Variants in CMTR1 observed in about 807,000 individuals in gnomAD.
The protein encoded by CMTR1 is cap-specific mRNA (nucleoside-2'-O-)-methyltransferase 1.
Under a neutral mutation model 107.0 loss-of-function variants are expected in CMTR1, and 39 were observed. The observed-to-expected ratio is 0.36, with a 90% CI of 0.28 to 0.48. CMTR1 has a LOEUF of 0.48. Among genes scored for constraint, CMTR1 ranks in the 20% least tolerant of loss-of-function variants. The pLI, the probability that CMTR1 is intolerant of heterozygous loss-of-function variation, is 0.99. For missense variants in CMTR1, 672 were observed against 1,064.9 expected (o/e 0.63, Z 5.14); for synonymous variants, 366 against 379.5 (o/e 0.96, Z 0.41).
rs144830363 is a variant in CMTR1 at position 37,450,337 on chromosome 6, G to A, written c.531G>A (p.Val177=). Residue 177 remains valine, a synonymous_variant, in exon 5 of 24, where the codon GTG becomes GTA. Transcript: ENST00000373451. ...AGGAAATGAGCGATTGGATGGTGGT[G>A]GGAAAGGTAGGCTTTCAGGAAAACG... The part of the protein sequence containing the change: ...DTQEMSDWMV[V]GKRKMIIEDE... The A allele has an allele frequency of 1.6e-3, 2,616 of 1,613,398 alleles. 2 individuals carry two copies. Among genetic ancestry groups the A allele is most frequent in the Non-Finnish European group, 1.5e-3 (1,797 of 1,179,396 alleles).
chr6:37,425,918 T>C, the CMTR1 span, among the ~76,000 whole-genome samples: 1 of 152,234 alleles, frequency 6.6e-6, no homozygotes, highest in African/African-American at 2.4e-5. Flanking sequence ...AATGCATATG[T>C]TGGTCTGCTC....
At chr6:37,479,445 G>A (rs936202591) in intron 23 of CMTR1, among the ~76,000 whole-genome samples, 190 bp downstream of exon 23, 1 of 152,234 alleles carries the variant, frequency 6.6e-6, no homozygotes, top group Non-Finnish European at 1.5e-5. Flanking sequence ...CCTGGGTAGA[G>A]CTGGTGAGGG....
intron 8 of CMTR1, among the ~76,000 whole-genome samples, chr6:37,454,391 C>T (rs1431859229): frequency 2.6e-5 from 4 of 152,214 alleles, no homozygotes; most frequent in African/African-American, 4.8e-5. Flanking sequence ...TCCCATTCTC[C>T]AGTACCAGCA....
chr6:37,471,694 G>A (rs950237104), intron 14 of CMTR1, among the ~76,000 whole-genome samples, 153 bp from the exon 15 acceptor site: 23 of 152,172 alleles, frequency 1.5e-4, no homozygotes, highest in African/African-American at 5.5e-4. Flanking sequence ...TGCATGTGTT[G>A]TAATCACGCT....
intron 8 of CMTR1, among the ~76,000 whole-genome samples, chr6:37,454,377 C>T (rs1206284122): frequency 6.6e-6 from 1 of 152,254 alleles, no homozygotes; most frequent in Non-Finnish European, 1.5e-5. Flanking sequence ...TCCCAGGTCT[C>T]CCTTCCCATT....
chr6:37,474,556 G>A lies in CMTR1; in HGVS notation c.1854G>A (p.Gln618=), dbSNP rs1447249573. ...AGATCTACACATGGGATGGCCGCCA[G>A]TCAGACCGCTGGATCAAGCTAGACC... ...KSQIYTWDGR[Q]SDRWIKLDLK... Residue 618 remains glutamine, a synonymous_variant, in exon 18 of 24, where the codon CAG becomes CAA. Transcript: ENST00000373451. The A allele has an allele frequency of 6.2e-7, 1 of 1,613,934 alleles. No individual in the cohort carries two copies. The highest frequency in any genetic ancestry group is 1.3e-5 in the African/African-American group (1 of 74,900).
intron 4 of CMTR1, 106 bp from the exon 5 acceptor site, chr6:37,450,145 G>T: frequency 2.2e-6 from 2 of 911,090 alleles, no homozygotes; most frequent in South Asian, 1.5e-5. Flanking sequence ...CACCCTTCTC[G>T]GTCTGTCTCA....
intron 4 of CMTR1, among the ~76,000 whole-genome samples, chr6:37,446,819 ACT>A (rs1203276822): frequency 6.6e-6 from 1 of 152,182 alleles, no homozygotes; most frequent in Non-Finnish European, 1.5e-5. Context: ...GGGAGCACCC[ACT>A]CTCTCACTGT....
At chr6:37,455,274 G>T (rs930636517) in intron 8 of CMTR1, among the ~76,000 whole-genome samples, 3 of 152,120 alleles carry the variant, frequency 2.0e-5, no homozygotes, top group Non-Finnish European at 2.9e-5. Flanking sequence ...GTGGAGACGG[G>T]GTTTCTCCAC....
At position 37,446,167 on chromosome 6, in the gene CMTR1, A is replaced by C. The variant is rs375292603; in HGVS notation, c.286-124A>C. 4.3e-5 allele frequency: 47 copies of C among 1,083,416 alleles called. No homozygotes were observed. The African/African-American group carries it at 5.5e-4, about 13-fold the overall frequency. The allele number at this position is 1,083,416 out of a possible 1,614,324, so 67.1% of individuals were successfully genotyped here. A position where few individuals can be genotyped will look rare whatever the true frequency, so the allele number is the denominator to read the frequency against. On this transcript the variant is annotated intron_variant, in intron 3 of 23. Transcript: ENST00000373451. Reference sequence around the variant, plus strand: ...TATGCTTCTTTTCTTCATTAGGCTAAGACAAACTTTAGACTTTAATCATCT... The same window carrying C: ...TATGCTTCTTTTCTTCATTAGGCTACGACAAACTTTAGACTTTAATCATCT...
At chr6:37,432,327 T>TA (rs1771401647), upstream of CMTR1, among the ~76,000 whole-genome samples, 1 of 152,240 alleles carries the variant, frequency 6.6e-6, no homozygotes, top group South Asian at 2.1e-4. Flanking sequence ...TAATCAATTT[T>TA]AAATTCCCTT....
chr6:37,477,962 C>T (rs920747447), intron 21 of CMTR1, among the ~76,000 whole-genome samples: 53 of 152,224 alleles, frequency 3.5e-4, no homozygotes, highest in African/African-American at 1.3e-3. Flanking sequence ...AATCCCAGCT[C>T]CCGCTGCTGA....
chr6:37,481,121 G>T lies in CMTR1; in HGVS notation c.*976G>T. 7.7e-7 allele frequency: 1 copy of T among 1,304,140 alleles called. No homozygotes were observed. Among genetic ancestry groups the T allele is most frequent in the South Asian group, 1.2e-5 (1 of 81,014 alleles). The allele number at this position is 1,304,140 out of a possible 1,614,324, so 80.8% of individuals were successfully genotyped here. A position where few individuals can be genotyped will look rare whatever the true frequency, so the allele number is the denominator to read the frequency against. On this transcript the variant is annotated 3_prime_UTR_variant, in exon 24 of 24. Coordinates refer to ENST00000373451, the MANE Select transcript of CMTR1 (RefSeq NM_015050.3). ...TCCCTTCCTTTTTCTTCCCTAATAG[G>T]AGGTACAATCTGCTTTTGTTTGTCG...
intron 3 of CMTR1, among the ~76,000 whole-genome samples, chr6:37,445,780 AC>A (rs1418953210): frequency 6.6e-6 from 1 of 151,734 alleles, no homozygotes; most frequent in Non-Finnish European, 1.5e-5. Flanking sequence ...GACTTGAGCC[AC>A]CGCGCCCGGT....
At chr6:37,445,785 G>C (rs746957649) in intron 3 of CMTR1, among the ~76,000 whole-genome samples, 1 of 151,734 alleles carries the variant, frequency 6.6e-6, no homozygotes, top group Admixed American at 6.6e-5. Context: ...GAGCCACCGC[G>C]CCCGGTCCCA....
chr6:37,451,766 T>A (rs2113872863), intron 5 of CMTR1, 40 bp from the exon 6 acceptor site: 1 of 1,467,314 alleles, frequency 6.8e-7, no homozygotes, highest in East Asian at 2.3e-5. Flanking sequence ...ACAATTGCAG[T>A]CACACGTGGT....
intron 21 of CMTR1, among the ~76,000 whole-genome samples, 196 bp from the exon 22 acceptor site, chr6:37,478,204 ACTCCCCTGC>A (rs1201769741): frequency 6.6e-6 from 1 of 151,536 alleles, no homozygotes; most frequent in Admixed American, 6.6e-5. Flanking sequence ...GTCATTTGTT[ACTCCCCTGC>A]CTCCACTGCC....
At chr6:37,431,181 A>C (rs186302280), upstream of CMTR1, among the ~76,000 whole-genome samples, 39 of 152,320 alleles carry the variant, frequency 2.6e-4, no homozygotes, top group Admixed American at 4.6e-4. Context: ...GCTTTACATA[A>C]AAATTAAATC....
At position 37,472,870 on chromosome 6, in the gene CMTR1, C is replaced by T. The variant is rs752972105; in HGVS notation, c.1689+383C>T. On this transcript the variant is annotated intron_variant, in intron 16 of 23. Transcript: ENST00000373451. The surrounding 1 kb of genome is among the most constrained non-coding windows in gnomAD (Gnocchi z 4.1). The stretch of plus-strand genomic sequence containing the variant: ...GGGTGAAGGGAGCTGCCAGGGAAGC[C>T]CGCAGCAGGGTTGGCCTAACCCCAG... Among the ~76,000 whole-genome samples, 11 of 152,178 alleles carry T rather than the reference C, an allele frequency of 7.2e-5. No homozygotes were observed. Among genetic ancestry groups the T allele is most frequent in the Non-Finnish European group, 1.5e-4 (10 of 68,026 alleles).
Sources: gnomAD v4.1 joint callset for allele counts (sites outside exome capture counted in the v4.1 genomes callset) on GRCh38, gnomAD v4.1.1 for gene constraint, Gnocchi (gnomAD v3.1) non-coding constraint, MANE v1.5 for transcripts, NCBI Gene and HGNC (gene_info 2026-07-23, HGNC 2026-07-21) for gene names.